PTTG2: variants seen among roughly 807,000 people sequenced by gnomAD.
The protein encoded by PTTG2 is pituitary tumor-transforming 2, also known as securin-2.
For missense variants in PTTG2, 218 were observed against 226.3 expected, an observed-to-expected ratio of 0.96 and a Z score of 0.23; for synonymous variants, 90 against 84.2, an observed-to-expected ratio of 1.07 and a Z score of -0.37.
chr4:37,960,695 C>G lies in PTTG2; in HGVS notation c.261C>G (p.Ser87Arg), dbSNP rs541513996. 9.3e-6 allele frequency: 15 copies of G among 1,614,184 alleles called. No individual in the cohort carries two copies. In the Admixed American group the frequency reaches 1.0e-4, roughly 11 times the overall value. ...TNGPRKQKQP[S>R]FSAKKMTEKT... ...GACCCAGAAAACAAAAACAGCCAAGCTTTTCTGCCAAAAAGATGACCGAGA... is the reference window on the plus strand; with the variant it reads ...GACCCAGAAAACAAAAACAGCCAAGGTTTTCTGCCAAAAAGATGACCGAGA... Residue 87 changes from serine (S) to arginine (R), a missense_variant, in exon 1 of 1, where the codon AGC becomes AGG. By Grantham distance (110) the Ser-to-Arg change is moderately radical. Coordinates refer to ENST00000504686, the MANE Select transcript of PTTG2 (RefSeq NM_006607.3).
Position 37,960,725 on chromosome 4 carries a change from T to G in PTTG2, c.291T>G (p.Thr97=), listed in dbSNP as rs772148350. ...CTGCCAAAAAGATGACCGAGAAGAC[T>G]GTTAAAACAAAAAGTTCTGTTCCTG... The part of the protein sequence containing the change: ...SFSAKKMTEK[T]VKTKSSVPAS... The change falls in exon 1 of 1, where the codon ACT becomes ACG. Residue 97 remains threonine (T), a synonymous_variant. Coordinates refer to ENST00000504686, the MANE Select transcript of PTTG2 (RefSeq NM_006607.3). 2.5e-6 allele frequency: 4 copies of G among 1,614,172 alleles called. No individual in the cohort carries two copies. Among genetic ancestry groups the G allele is most frequent in the Non-Finnish European group, 3.4e-6 (4 of 1,180,038 alleles).
Position 37,961,006 on chromosome 4 carries a change from G to A in PTTG2, c.572G>A (p.Cys191Tyr). The change falls in exon 1 of 1, where the codon TGT (cysteine) becomes TAT (tyrosine). Residue 191 changes from cysteine (C) to tyrosine (Y), a missense_variant. Transcript: ENST00000504686. ...VSFKHSVDPG[C>Y] ...TTCAAGCATTCTGTCGACCCTGGAT[G>A]TTGAATTGCCAGCTGTTTGCTATGA... is the stretch of plus-strand genomic sequence containing the variant. 1 of 1,614,204 alleles carries A rather than the reference G, an allele frequency of 6.2e-7. No individual in the cohort carries two copies. The highest frequency in any genetic ancestry group is 1.1e-5 in the South Asian group (1 of 91,084).
rs202164501 is a variant in PTTG2 at position 37,960,676 on chromosome 4, G to A, written c.242G>A (p.Arg81Lys). 16 of 1,614,184 alleles carry A rather than the reference G, an allele frequency of 9.9e-6. No individual in the cohort carries two copies. The African/African-American group carries it at 2.0e-4, about 20-fold the overall frequency. The change falls in exon 1 of 1, where the codon AGA becomes AAA. Residue 81 changes from arginine to lysine, a missense_variant. Transcript: ENST00000504686. Reference sequence around the variant, plus strand: ...AAGTCAGTAAAGACCAATGGACCCAGAAAACAAAAACAGCCAAGCTTTTCT... The same window carrying A: ...AAGTCAGTAAAGACCAATGGACCCAAAAAACAAAAACAGCCAAGCTTTTCT... Reference protein sequence around the residue: ...TEKSVKTNGPRKQKQPSFSAK... With the variant: ...TEKSVKTNGPKKQKQPSFSAK...
In PTTG2 at chr4:37,961,047, T is replaced by G. The variant is rs1729948601; in HGVS notation, c.*37T>G. 15 of 1,609,066 alleles carry G rather than the reference T, an allele frequency of 9.3e-6. No homozygotes were observed. Among genetic ancestry groups the G allele is most frequent in the Middle Eastern group, 1.7e-4 (1 of 6,054 alleles). ...TTTGCTATGACATAGATATTTAAAT[T>G]TCTTAGTGCTTTGGAGTTTGTGTGT... On this transcript the variant is annotated 3_prime_UTR_variant, in exon 1 of 1. Transcript: ENST00000504686.
Position 37,960,994 on chromosome 4 carries a change from T to C in PTTG2, c.560T>C (p.Val187Ala), listed in dbSNP as rs1167083390. ...NLFAVSFKHS[V>A]DPGC ...TTTGCAGTCTCCTTCAAGCATTCTGTCGACCCTGGATGTTGAATTGCCAGC... is the reference window on the plus strand; with the variant it reads ...TTTGCAGTCTCCTTCAAGCATTCTGCCGACCCTGGATGTTGAATTGCCAGC... Residue 187 changes from valine to alanine, a missense_variant, in exon 1 of 1, where the codon GTC becomes GCC. Physicochemically the swap from Val to Ala is moderately conservative, Grantham distance 64. Transcript: ENST00000504686. 1 of 1,614,248 alleles carries C rather than the reference T, an allele frequency of 6.2e-7. No individual in the cohort carries two copies. Among genetic ancestry groups the C allele is most frequent in the Admixed American group, 1.7e-5 (1 of 60,026 alleles).
rs762954925 is a variant in PTTG2, at chr4:37,960,761, C to T, written c.327C>T (p.Asp109=). 5.0e-5 allele frequency: 80 copies of T among 1,613,996 alleles called. No individual in the cohort carries two copies. The highest frequency in any genetic ancestry group is 5.9e-5 in the Non-Finnish European group (70 of 1,180,014). The change falls in exon 1 of 1, where the codon GAC becomes GAT. Residue 109 remains aspartate, a synonymous_variant. Transcript: ENST00000504686. The stretch of plus-strand genomic sequence containing the variant: ...AAAGTTCTGTTCCTGCCTCAGATGA[C>T]GCCTATCCAGAAATAGAAAAATTCT... ...KTKSSVPASD[D]AYPEIEKFFP... is the part of the protein sequence containing the mutation.
At chr4:37,960,956 G>A in the PTTG2 span, 5 of 1,613,948 alleles carry the variant, frequency 3.1e-6, no homozygotes, top group African/African-American at 2.7e-5. Context: ...CTCCACCATG[G>A]GAATGCAATC....
In PTTG2 at chr4:37,961,069, G is replaced by A. The variant is rs578086997; in HGVS notation, c.*59G>A. Reference sequence around the variant, plus strand: ...AATTTCTTAGTGCTTTGGAGTTTGTGTGTACTTGTATTAATAAAGCATTAT... The same window carrying A: ...AATTTCTTAGTGCTTTGGAGTTTGTATGTACTTGTATTAATAAAGCATTAT... On this transcript the variant is annotated 3_prime_UTR_variant, in exon 1 of 1. Coordinates refer to ENST00000504686, the MANE Select transcript of PTTG2 (RefSeq NM_006607.3). 6 of 1,588,452 alleles carry A rather than the reference G, an allele frequency of 3.8e-6. No individual in the cohort carries two copies. The highest frequency in any genetic ancestry group is 1.7e-4 in the Middle Eastern group (1 of 6,030).
At position 37,960,546 on chromosome 4, in the gene PTTG2, A is replaced by T. The variant is rs775429555; in HGVS notation, c.112A>T (p.Ile38Leu). 1.2e-6 allele frequency: 2 copies of T among 1,614,156 alleles called. No individual in the cohort carries two copies. The highest frequency in any genetic ancestry group is 1.7e-6 in the Non-Finnish European group (2 of 1,180,006). Residue 38 changes from isoleucine (I) to leucine (L), a missense_variant, in exon 1 of 1, where the codon ATA (isoleucine) becomes TTA (leucine). By Grantham distance (5) the Ile-to-Leu change is conservative. Coordinates refer to ENST00000504686, the MANE Select transcript of PTTG2 (RefSeq NM_006607.3). ...ACCTTCAATCAAAGCATTAGATGGG[A>T]TATCTCAAGTTTTAACACGACGTTT... ...SRPSIKALDGISQVLTRRFGK... is the reference protein window; with the variant it reads ...SRPSIKALDGLSQVLTRRFGK...
the PTTG2 span, chr4:37,960,912 C>T: frequency 6.2e-7 from 1 of 1,614,160 alleles, no homozygotes; most frequent in Non-Finnish European, 8.5e-7. Context: ...AAAGCTGTTT[C>T]AGCTGGGCCC....
rs746038831 is a variant in PTTG2 at position 37,961,034 on chromosome 4, T to C, written c.*24T>C. On this transcript the variant is annotated 3_prime_UTR_variant, in exon 1 of 1. Transcript: ENST00000504686. ...GAATTGCCAGCTGTTTGCTATGACATAGATATTTAAATTTCTTAGTGCTTT... is the reference window on the plus strand; with the variant it reads ...GAATTGCCAGCTGTTTGCTATGACACAGATATTTAAATTTCTTAGTGCTTT... The C allele has an allele frequency of 9.3e-6, 15 of 1,612,976 alleles. No individual in the cohort carries two copies. The South Asian group carries it at 1.5e-4, about 17-fold the overall frequency.
chr4:37,960,865 T>G lies in PTTG2; in HGVS notation c.431T>G (p.Val144Gly). ...ATTGCACACCTCCCCTTGAGTGGAG[T>G]GCCTCTCATGATCCTTGATGAGGAG... Reference protein sequence around the residue: ...RQIAHLPLSGVPLMILDEEGE... With the variant: ...RQIAHLPLSGGPLMILDEEGE... Residue 144 changes from valine to glycine, a missense_variant, in exon 1 of 1, where the codon GTG becomes GGG. By Grantham distance (109) the Val-to-Gly change is moderately radical. Transcript: ENST00000504686. The G allele has an allele frequency of 6.2e-7, 1 of 1,614,078 alleles. No individual in the cohort carries two copies. Among genetic ancestry groups the G allele is most frequent in the Non-Finnish European group, 8.5e-7 (1 of 1,180,002 alleles).
Position 37,960,487 on chromosome 4 carries a change from T to C in PTTG2, c.53T>C (p.Val18Ala). The change falls in exon 1 of 1, where the codon GTG becomes GCG. Residue 18 changes from valine to alanine, a missense_variant. Coordinates refer to ENST00000504686, the MANE Select transcript of PTTG2 (RefSeq NM_006607.3). ...DKEIGEPGTR[V>A]AAKDVLKLES... ...GAAATTGGAGAACCAGGCACCCGTG[T>C]GGCTGCCAAGGATGTGCTGAAGCTG... The C allele has an allele frequency of 6.2e-7, 1 of 1,614,098 alleles. No individual in the cohort carries two copies.
rs150469423 is a variant in PTTG2, at chr4:37,960,628, G to A, written c.194G>A (p.Gly65Asp). Residue 65 changes from glycine (G) to aspartate (D), a missense_variant, in exon 1 of 1, where the codon GGC (glycine) becomes GAC (aspartate). Gly to Asp is a moderately conservative substitution (Grantham distance 94, BLOSUM62 -1). Transcript: ENST00000504686. ...CCTAAAGCTACCAGAAAGGCTTTGG[G>A]CACTGTCAACAGAGCTACAGAAAAG... ...ALPKATRKAL[G>D]TVNRATEKSV... The A allele has an allele frequency of 4.3e-4, 698 of 1,614,180 alleles. No individual in the cohort carries two copies. The highest frequency in any genetic ancestry group is 6.7e-4 in the Admixed American group (40 of 60,022).
rs541513996 is a variant in PTTG2, at chr4:37,960,695, C to T, written c.261C>T (p.Ser87=). Residue 87 remains serine (S), a synonymous_variant, in exon 1 of 1, where the codon AGC becomes AGT. Coordinates refer to ENST00000504686, the MANE Select transcript of PTTG2 (RefSeq NM_006607.3). The part of the protein sequence containing the change: ...TNGPRKQKQP[S]FSAKKMTEKT... ...GACCCAGAAAACAAAAACAGCCAAG[C>T]TTTTCTGCCAAAAAGATGACCGAGA... 1.9e-6 allele frequency: 3 copies of T among 1,614,184 alleles called. No homozygotes were observed. The highest frequency in any genetic ancestry group is 2.2e-5 in the East Asian group (1 of 44,886).
At position 37,960,592 on chromosome 4, in the gene PTTG2, C is replaced by T. The variant is rs746614023; in HGVS notation, c.158C>T (p.Pro53Leu). ...CGTTTTGGCAAAACATACGATGCTC[C>T]ATCAGCCTTACCTAAAGCTACCAGA... The part of the protein sequence containing the change: ...TRRFGKTYDA[P>L]SALPKATRKA... Residue 53 changes from proline (P) to leucine (L), a missense_variant, in exon 1 of 1, where the codon CCA becomes CTA. Coordinates refer to ENST00000504686, the MANE Select transcript of PTTG2 (RefSeq NM_006607.3). 8 of 1,614,032 alleles carry T rather than the reference C, an allele frequency of 5.0e-6. No homozygotes were observed. The highest frequency in any genetic ancestry group is 1.6e-4 in the Middle Eastern group (1 of 6,084).
At position 37,961,040 on chromosome 4, in the gene PTTG2, T is replaced by C. The variant is rs1488468109; in HGVS notation, c.*30T>C. 1 of 1,611,638 alleles carries C rather than the reference T, an allele frequency of 6.2e-7. No individual in the cohort carries two copies. Among genetic ancestry groups the C allele is most frequent in the Non-Finnish European group, 8.5e-7 (1 of 1,177,790 alleles). On this transcript the variant is annotated 3_prime_UTR_variant, in exon 1 of 1. Coordinates refer to ENST00000504686, the MANE Select transcript of PTTG2 (RefSeq NM_006607.3). The stretch of plus-strand genomic sequence containing the variant: ...CCAGCTGTTTGCTATGACATAGATA[T>C]TTAAATTTCTTAGTGCTTTGGAGTT...
Position 37,960,784 on chromosome 4 carries a change from T to A in PTTG2, c.350T>A (p.Phe117Tyr). 1.2e-6 allele frequency: 2 copies of A among 1,614,122 alleles called. No individual in the cohort carries two copies. The highest frequency in any genetic ancestry group is 2.2e-5 in the East Asian group (1 of 44,882). Residue 117 changes from phenylalanine to tyrosine, a missense_variant, in exon 1 of 1, where the codon TTC becomes TAC. Physicochemically the swap from Phe to Tyr is conservative, Grantham distance 22. Transcript: ENST00000504686. Reference protein sequence around the residue: ...SDDAYPEIEKFFPFNLLDFES... With the variant: ...SDDAYPEIEKYFPFNLLDFES... ...GACGCCTATCCAGAAATAGAAAAAT[T>A]CTTTCCCTTCAATCTTCTAGACTTT... is the stretch of plus-strand genomic sequence containing the variant.
rs1273146343 is a variant in PTTG2 at position 37,960,715 on chromosome 4, C to G, written c.281C>G (p.Thr94Ser). 6.2e-7 allele frequency: 1 copy of G among 1,614,082 alleles called. No individual in the cohort carries two copies. Among genetic ancestry groups the G allele is most frequent in the Non-Finnish European group, 8.5e-7 (1 of 1,180,050 alleles). The change falls in exon 1 of 1, where the codon ACC becomes AGC. Residue 94 changes from threonine to serine, a missense_variant. Thr to Ser is a moderately conservative substitution (Grantham distance 58, BLOSUM62 1). Transcript: ENST00000504686. Reference sequence around the variant, plus strand: ...CCAAGCTTTTCTGCCAAAAAGATGACCGAGAAGACTGTTAAAACAAAAAGT... The same window carrying G: ...CCAAGCTTTTCTGCCAAAAAGATGAGCGAGAAGACTGTTAAAACAAAAAGT... ...KQPSFSAKKM[T>S]EKTVKTKSSV...
Sources: allele counts gnomAD v4.1 joint callset, GRCh38; gene constraint gnomAD v4.1.1; transcripts MANE v1.5; gene names NCBI Gene and HGNC (gene_info 2026-07-23, HGNC 2026-07-21).